Variants in CNTN4 observed in about 807,000 individuals in gnomAD.
The protein encoded by CNTN4 is contactin-4.
Under a neutral mutation model 122.5 loss-of-function variants are expected in CNTN4, and 77 were observed. The observed-to-expected ratio is 0.63, with a 90% confidence interval of 0.52 to 0.76. The LOEUF (loss-of-function observed/expected upper bound fraction) is 0.76. Among genes scored for constraint, CNTN4 ranks in the 30% least tolerant of loss-of-function variants. The pLI is 0.00. For missense variants in CNTN4, 1,256 were observed against 1,259.1 expected, an observed-to-expected ratio of 1.00 and a Z score of 0.04; for synonymous variants, 512 against 447.0, an observed-to-expected ratio of 1.15 and a Z score of -1.83.
intron 3 of CNTN4, among the ~76,000 whole-genome samples, chr3:2,431,209 A>C (rs978410229): frequency 5.3e-5 from 8 of 152,234 alleles, no homozygotes. Flanking sequence ...CCGCACCTGT[A>C]CTAGAATATT....
In CNTN4 at chr3:2,573,157, C is replaced by T. The variant is rs367792331; in HGVS notation, c.55+1599C>T. Among the ~76,000 whole-genome samples the T allele has an allele frequency of 2.3e-4, 35 of 152,266 alleles. 1 individual carries two copies. Among genetic ancestry groups the T allele is most frequent in the Admixed American group, 1.1e-3 (17 of 15,290 alleles). ...TCATAGCGTATGGTCTTTTAGTTGT[C>T]TTGAGGATTTGGCAAGTTTATGGTT... On this transcript the variant is annotated intron_variant, in intron 4 of 24. Transcript: ENST00000418658.
chr3:2,632,431 G>T (rs1054384711), intron 4 of CNTN4, among the ~76,000 whole-genome samples: 1 of 152,050 alleles, frequency 6.6e-6, no homozygotes, highest in African/African-American at 2.4e-5. Context: ...ATCCTCAGGG[G>T]TCATGTTGTA....
intron 6 of CNTN4, among the ~76,000 whole-genome samples, chr3:2,788,446 A>G (rs182502489): frequency 2.0e-5 from 3 of 152,352 alleles, no homozygotes; most frequent in Admixed American, 2.0e-4. Context: ...GATCTCTCAT[A>G]TGACACAACT....
intron 2 of CNTN4, among the ~76,000 whole-genome samples, chr3:2,138,519 A>G (rs1055259326): frequency 6.6e-6 from 1 of 152,206 alleles, no homozygotes; most frequent in African/African-American, 2.4e-5. Flanking sequence ...AAGGTGTGTT[A>G]GGTTGAGATC....
chr3:2,720,918 C>T (rs1249273860), intron 4 of CNTN4, among the ~76,000 whole-genome samples: 1 of 152,090 alleles, frequency 6.6e-6, no homozygotes, highest in Non-Finnish European at 1.5e-5. Flanking sequence ...GATTTTGAAC[C>T]CAGGCACTGT....
At chr3:2,400,378 A>G (rs2046795734) in intron 3 of CNTN4, among the ~76,000 whole-genome samples, 1 of 138,700 alleles carries the variant, frequency 7.2e-6, no homozygotes, top group South Asian at 2.2e-4. Flanking sequence ...GTGTGTGTAT[A>G]TGTGTGTGGT....
chr3:2,436,685 T>A (rs968938264), intron 3 of CNTN4, among the ~76,000 whole-genome samples: 1 of 151,948 alleles, frequency 6.6e-6, no homozygotes, highest in Non-Finnish European at 1.5e-5. Context: ...ATATATTCAT[T>A]CTCACTACAG....
intron 3 of CNTN4, among the ~76,000 whole-genome samples, chr3:2,487,155 A>G (rs1276172128): frequency 6.6e-6 from 1 of 152,152 alleles, no homozygotes; most frequent in Non-Finnish European, 1.5e-5. Context: ...CACACGGTGT[A>G]TTTTGCCATT....
At chr3:2,403,374 C>G (rs548500515) in intron 3 of CNTN4, among the ~76,000 whole-genome samples, 10 of 152,070 alleles carry the variant, frequency 6.6e-5, no homozygotes, top group Non-Finnish European at 7.4e-5. Flanking sequence ...TAACAAGGAA[C>G]ATAACATTTT....
intron 3 of CNTN4, among the ~76,000 whole-genome samples, chr3:2,542,839 AG>A (rs1302835517): frequency 1.3e-5 from 2 of 152,242 alleles, no homozygotes; most frequent in African/African-American, 4.8e-5. Flanking sequence ...ATATTCAGTA[AG>A]GGGACTGACT....
At chr3:3,010,023 T>C (rs1376669635) in intron 14 of CNTN4, among the ~76,000 whole-genome samples, 2 of 152,074 alleles carry the variant, frequency 1.3e-5, no homozygotes, top group Non-Finnish European at 2.9e-5. Context: ...AGCAGTGTCC[T>C]GGGAGCCTCC....
chr3:2,190,365 T>C (rs1459473082), intron 2 of CNTN4, among the ~76,000 whole-genome samples: 1 of 151,712 alleles, frequency 6.6e-6, no homozygotes, highest in African/African-American at 2.4e-5. Context: ...AAAAAAAGAA[T>C]TTTTCTAGAG....
intron 3 of CNTN4, among the ~76,000 whole-genome samples, chr3:2,546,280 A>G (rs965364646): frequency 2.0e-5 from 3 of 151,936 alleles, no homozygotes; most frequent in African/African-American, 7.3e-5. Flanking sequence ...AGTAGACTGG[A>G]TAAAGAAAGT....
intron 13 of CNTN4, among the ~76,000 whole-genome samples, chr3:2,946,702 T>TGC (rs915855263): frequency 6.9e-5 from 7 of 101,244 alleles, no homozygotes; most frequent in African/African-American, 2.0e-4. Context: ...GCTTTTTTTT[T>TGC]TCTTTTTTTT....
chr3:2,326,180 A>G (rs950820744), intron 2 of CNTN4, among the ~76,000 whole-genome samples: 1 of 152,204 alleles, frequency 6.6e-6, no homozygotes, highest in African/African-American at 2.4e-5. Context: ...AGGCCTGAAT[A>G]GAACAAAATA....
At chr3:2,578,138 A>G (rs1404900412) in intron 4 of CNTN4, among the ~76,000 whole-genome samples, 1 of 152,160 alleles carries the variant, frequency 6.6e-6, no homozygotes, top group African/African-American at 2.4e-5. Flanking sequence ...TGAATCTATG[A>G]TAGACAAAAA....
intron 14 of CNTN4, 72 bp from the exon 15 acceptor site, chr3:3,026,030 G>A: frequency 2.1e-6 from 3 of 1,400,280 alleles, no homozygotes; most frequent in African/African-American, 1.4e-5. Context: ...TGCTCTTGGA[G>A]TCTACATTGT....
At chr3:2,991,955 C>T (rs1176195159) in intron 14 of CNTN4, among the ~76,000 whole-genome samples, 3 of 152,194 alleles carry the variant, frequency 2.0e-5, no homozygotes, top group Non-Finnish European at 4.4e-5. Context: ...CCGTGAAGGT[C>T]GGGCGTCAGA....
At chr3:2,213,596 G>GCATA (rs2038712946) in intron 2 of CNTN4, among the ~76,000 whole-genome samples, 1 of 152,162 alleles carries the variant, frequency 6.6e-6, no homozygotes, top group African/African-American at 2.4e-5. Context: ...CTCAAATGTA[G>GCATA]CATATGCAGA....
Sources: gnomAD v4.1 joint callset for allele counts (sites outside exome capture counted in the v4.1 genomes callset) on GRCh38, gnomAD v4.1.1 for gene constraint, MANE v1.5 for transcripts, NCBI Gene and HGNC (gene_info 2026-07-23, HGNC 2026-07-21) for gene names.